The following SMARCA5 variants were observed in gnomAD, a reference collection of about 807,000 sequenced individuals.
SMARCA5 encodes the protein SWI/SNF-related matrix-associated actin-dependent regulator of chromatin subfamily A member 5.
In SMARCA5, 18 loss-of-function variants were observed where a neutral mutation model predicts 140.4. The observed-to-expected ratio is 0.13, with a 90% CI of 0.09 to 0.19. The LOEUF is 0.19. Among genes scored for constraint, SMARCA5 ranks in the 10% least tolerant of loss-of-function variants. SMARCA5 has a pLI of 1.00. For missense variants in SMARCA5, 606 were observed against 1,276.8 expected (o/e 0.47, Z 8.01); for synonymous variants, 449 against 419.6 (o/e 1.07, Z -0.86).
chr4:143,552,575 T>A (rs546658513), intron 23 of SMARCA5, among the ~76,000 whole-genome samples: 4 of 152,056 alleles, frequency 2.6e-5, no homozygotes, highest in Non-Finnish European at 5.9e-5. Context: ...AGAATACAAG[T>A]TATAATTTTA....
chr4:143,517,324 C>T, intron 1 of SMARCA5, 31 bp from the exon 2 acceptor site: 1 of 1,530,032 alleles, frequency 6.5e-7, no homozygotes, highest in Middle Eastern at 1.7e-4. Flanking sequence ...TTTTCGAAGA[C>T]CAATTCTATT....
chr4:143,555,523 G>T lies in SMARCA5; in HGVS notation c.*2339G>T. The stretch of plus-strand genomic sequence containing the variant: ...TGTTTTGTTTTGTACCCATGCTGTT[G>T]ATTGCTAAATGTTTTAATAATCTGA... On this transcript the variant is annotated 3_prime_UTR_variant, in exon 24 of 24. Transcript: ENST00000283131. The T allele has an allele frequency of 2.5e-6, 1 of 404,114 alleles. No individual in the cohort carries two copies. Among genetic ancestry groups the T allele is most frequent in the Non-Finnish European group, 4.6e-6 (1 of 218,426 alleles). 25.0% of individuals were successfully genotyped at this position (404,114 alleles called of 1,614,324 possible). A position where few individuals can be genotyped will look rare whatever the true frequency, so the allele number is the denominator to read the frequency against.
In SMARCA5 at chr4:143,553,115, G is replaced by T; in HGVS notation, c.3094-4G>T. 1 of 1,608,326 alleles carries T rather than the reference G, an allele frequency of 6.2e-7. No homozygotes were observed. The highest frequency in any genetic ancestry group is 1.1e-5 in the South Asian group (1 of 90,944). The stretch of plus-strand genomic sequence containing the variant: ...TGAAAAGTAATCCTTCTGTCTGTTT[G>T]TAGACACAGAAACGTAAAATGGATG... On this transcript the variant is annotated splice_region_variant and splice_polypyrimidine_tract_variant and intron_variant, in intron 23 of 23. Transcript: ENST00000283131.
chr4:143,523,257 C>T (rs1012060804), intron 3 of SMARCA5, among the ~76,000 whole-genome samples: 2 of 152,098 alleles, frequency 1.3e-5, no homozygotes, highest in Admixed American at 6.5e-5. Flanking sequence ...GAACTTCTGA[C>T]CTCAAGTGAT....
At chr4:143,552,730 T>A (rs1024546345) in intron 23 of SMARCA5, among the ~76,000 whole-genome samples, 18 of 152,028 alleles carry the variant, frequency 1.2e-4, no homozygotes, top group African/African-American at 3.9e-4. Flanking sequence ...GTTAATTTAA[T>A]AAAAAATGGT....
At chr4:143,545,735 G>T in intron 18 of SMARCA5, 152 bp downstream of exon 18, 1 of 803,386 alleles carries the variant, frequency 1.2e-6, no homozygotes, top group Non-Finnish European at 2.0e-6. Context: ...CATAAACTTG[G>T]GTCTGTTTTT....
In SMARCA5 at chr4:143,527,863, C is replaced by T. The variant is rs1578795290; in HGVS notation, c.802-5C>T. ...GTGATGTAATTTTTTTCTCTTGTTACACAGGCTGCTTTTGTCAGAGACGTT... is the reference window on the plus strand; with the variant it reads ...GTGATGTAATTTTTTTCTCTTGTTATACAGGCTGCTTTTGTCAGAGACGTT... On this transcript the variant is annotated splice_polypyrimidine_tract_variant and splice_region_variant and intron_variant, in intron 6 of 23. Transcript: ENST00000283131. 11 of 1,586,866 alleles carry T rather than the reference C, an allele frequency of 6.9e-6. No homozygotes were observed. Among genetic ancestry groups the T allele is most frequent in the Non-Finnish European group, 8.5e-6 (10 of 1,172,904 alleles).
At chr4:143,541,418 G>A (rs990822235) in intron 14 of SMARCA5, among the ~76,000 whole-genome samples, 2 of 152,102 alleles carry the variant, frequency 1.3e-5, no homozygotes, top group Non-Finnish European at 2.9e-5. Context: ...CATGTCTTTG[G>A]TATCCCTAAT....
intron 5 of SMARCA5, among the ~76,000 whole-genome samples, chr4:143,525,977 G>A (rs1042539662): frequency 1.8e-4 from 27 of 152,216 alleles, no homozygotes; most frequent in African/African-American, 6.5e-4. Context: ...ATGCTAAAAC[G>A]TTTAATTGGT....
Position 143,530,486 on chromosome 4 carries a change from A to G in SMARCA5, c.1118A>G (p.Asn373Ser). ...DDFDSWFDTN[N>S]CLGDQKLVER... ...TTTGATTCCTGGTTTGATACAAACAACTGCCTTGGGGATCAAAAACTAGTT... is the reference window on the plus strand; with the variant it reads ...TTTGATTCCTGGTTTGATACAAACAGCTGCCTTGGGGATCAAAAACTAGTT... The change falls in exon 9 of 24, where the codon AAC becomes AGC. Residue 373 changes from asparagine (N) to serine (S), a missense_variant. Around this residue, in one of 10 missense-constraint regions of SMARCA5, gnomAD observed 15 missense variants for 27.4 expected, o/e 0.55. Coordinates refer to ENST00000283131, the MANE Select transcript of SMARCA5 (RefSeq NM_003601.4). 1.2e-6 allele frequency: 2 copies of G among 1,612,232 alleles called. No individual in the cohort carries two copies. The highest frequency in any genetic ancestry group is 1.3e-5 in the African/African-American group (1 of 74,994).
chr4:143,528,054 C>T, intron 7 of SMARCA5, 31 bp downstream of exon 7: 2 of 1,500,758 alleles, frequency 1.3e-6, no homozygotes, highest in South Asian at 1.3e-5. Flanking sequence ...GAAAAGCCTT[C>T]ATGTAAGAAT....
chr4:143,552,578 T>C lies in SMARCA5; in HGVS notation c.3094-541T>C, dbSNP rs114945154. 2.9e-3 allele frequency among the ~76,000 whole-genome samples: 447 copies of C among 152,186 alleles called. 4 individuals are homozygous for C. The highest frequency in any genetic ancestry group is 0.01 in the African/African-American group (436 of 41,566). Reference sequence around the variant, plus strand: ...CACATCTCATTGAGAATACAAGTTATAATTTTAGAATAATTTAAGAAACAT... The same window carrying C: ...CACATCTCATTGAGAATACAAGTTACAATTTTAGAATAATTTAAGAAACAT... On this transcript the variant is annotated intron_variant, in intron 23 of 23. Transcript: ENST00000283131.
At chr4:143,542,549 C>CT (rs1737449258) in intron 14 of SMARCA5, among the ~76,000 whole-genome samples, 1 of 152,114 alleles carries the variant, frequency 6.6e-6, no homozygotes, top group Non-Finnish European at 1.5e-5. Flanking sequence ...GCTGTATATC[C>CT]TATTATGGGT....
intron 10 of SMARCA5, 87 bp from the exon 11 acceptor site, chr4:143,536,365 A>C: frequency 2.4e-6 from 2 of 848,708 alleles, no homozygotes; most frequent in East Asian, 2.5e-5. Flanking sequence ...TTGGGGGTTC[A>C]TGTGGGGAAG....
intron 3 of SMARCA5, among the ~76,000 whole-genome samples, chr4:143,524,096 A>C (rs963303090): frequency 2.0e-5 from 3 of 152,142 alleles, no homozygotes; most frequent in African/African-American, 7.2e-5. Flanking sequence ...CTGACTACAT[A>C]GTTCTTGAAA....
intron 22 of SMARCA5, among the ~76,000 whole-genome samples, chr4:143,548,559 T>C (rs1349391032): frequency 2.0e-5 from 3 of 152,130 alleles, no homozygotes; most frequent in African/African-American, 7.2e-5. Context: ...AGTGAAACAC[T>C]ACTTTTGCAC....
intron 14 of SMARCA5, among the ~76,000 whole-genome samples, chr4:143,542,564 A>G (rs1486246135): frequency 1.3e-5 from 2 of 152,190 alleles, no homozygotes; most frequent in Non-Finnish European, 2.9e-5. Context: ...ATGGGTCCCA[A>G]ACCATGATAC....
At chr4:143,517,462 G>C in intron 2 of SMARCA5, 33 bp downstream of exon 2, 4 of 1,420,966 alleles carry the variant, frequency 2.8e-6, no homozygotes, top group Non-Finnish European at 3.9e-6. Flanking sequence ...GAGTCTATAA[G>C]GAAAACTTTT....
intron 8 of SMARCA5, among the ~76,000 whole-genome samples, chr4:143,530,018 T>G (rs1286923331): frequency 1.3e-5 from 2 of 152,214 alleles, no homozygotes; most frequent in Non-Finnish European, 2.9e-5. Flanking sequence ...CAAATATTAA[T>G]GAAATGCTGG....
Sources: gnomAD v4.1 joint callset for allele counts (sites outside exome capture counted in the v4.1 genomes callset) on GRCh38, gnomAD v4.1.1 for gene constraint, gnomAD v4.1.1 regional missense constraint, MANE v1.5 for transcripts, NCBI Gene and HGNC (gene_info 2026-07-23, HGNC 2026-07-21) for gene names.